Variants in PHF24 observed in about 807,000 individuals in gnomAD.
The protein encoded by PHF24 is PHD finger protein 24, also known as Galpha inhibitory interacting protein.
A neutral mutation model predicts 42.6 loss-of-function variants in PHF24; 25 were observed. That is an observed-to-expected ratio of 0.59 (90% CI 0.43 to 0.82). PHF24 has a LOEUF of 0.82. Ranked by LOEUF, PHF24 falls within the 40% of genes least tolerant of loss-of-function variation. The pLI, the probability that PHF24 is intolerant of heterozygous loss-of-function variation, is 0.00. For missense variants in PHF24, 470 were observed against 538.1 expected, an observed-to-expected ratio of 0.87 and a Z score of 1.25; for synonymous variants, 185 against 204.8, an observed-to-expected ratio of 0.90 and a Z score of 0.83.
the PHF24 span, among the ~76,000 whole-genome samples, chr9:34,693,125 G>A: frequency 1.3e-5 from 2 of 152,124 alleles, no homozygotes; most frequent in African/African-American, 2.4e-5. Context: ...TCAGGTATCT[G>A]TTCATTAATT....
chr9:34,941,150 C>T, the PHF24 span, among the ~76,000 whole-genome samples: 1 of 152,138 alleles, frequency 6.6e-6, no homozygotes, highest in Non-Finnish European at 1.5e-5. Context: ...TGTATTCTTC[C>T]TCCTGGGGAC....
chr9:34,778,371 C>T, the PHF24 span, among the ~76,000 whole-genome samples: 1 of 152,020 alleles, frequency 6.6e-6, no homozygotes, highest in South Asian at 2.1e-4. Flanking sequence ...CTCATGATGT[C>T]TAAGGGAGAT....
At chr9:34,832,433 A>G in the PHF24 span, 4 of 1,404,020 alleles carry the variant, frequency 2.8e-6, no homozygotes, top group Non-Finnish European at 3.9e-6. Flanking sequence ...ACTGGGGACC[A>G]TCCAAGAAAG....
the PHF24 span, among the ~76,000 whole-genome samples, chr9:34,806,366 A>ACTTAGCTTTTCTTTAATTT: frequency 6.6e-5 from 10 of 152,102 alleles, no homozygotes; most frequent in Non-Finnish European, 1.3e-4. Context: ...AAAAATCTTT[A>ACTTAGCTTTTCTTTAATTT]CTTAGCTTTT....
chr9:34,847,951 C>T, the PHF24 span, among the ~76,000 whole-genome samples: 1 of 152,120 alleles, frequency 6.6e-6, no homozygotes, highest in Non-Finnish European at 1.5e-5. Flanking sequence ...TGATGAAGCC[C>T]ACTTGATCAT....
At chr9:34,777,142 G>A in the PHF24 span, among the ~76,000 whole-genome samples, 1 of 152,160 alleles carries the variant, frequency 6.6e-6, no homozygotes, top group Non-Finnish European at 1.5e-5. Flanking sequence ...GCCCCAGGGT[G>A]GTATATGCTT....
the PHF24 span, among the ~76,000 whole-genome samples, chr9:34,865,839 A>T: frequency 6.6e-6 from 1 of 152,232 alleles, no homozygotes; most frequent in African/African-American, 2.4e-5. Context: ...TGAGAACTTC[A>T]GTTCCTCACT....
At chr9:34,806,751 GC>G in the PHF24 span, among the ~76,000 whole-genome samples, 1 of 152,148 alleles carries the variant, frequency 6.6e-6, no homozygotes, top group Non-Finnish European at 1.5e-5. Context: ...GAGCCTCTGT[GC>G]CTGGCCCAGA....
the PHF24 span, among the ~76,000 whole-genome samples, chr9:34,782,902 A>G: frequency 6.6e-6 from 1 of 152,200 alleles, no homozygotes; most frequent in African/African-American, 2.4e-5. Flanking sequence ...GCATCAGAAA[A>G]GCCTCAAATA....
upstream of PHF24, among the ~76,000 whole-genome samples, chr9:34,955,821 TTC>T (rs1826359244): frequency 6.6e-6 from 1 of 152,216 alleles, no homozygotes; most frequent in Non-Finnish European, 1.5e-5. Flanking sequence ...TTGTGCATAA[TTC>T]TGTGTCCTCC....
chr9:34,674,053 G>T, the PHF24 span, among the ~76,000 whole-genome samples: 1 of 152,210 alleles, frequency 6.6e-6, no homozygotes, highest in Non-Finnish European at 1.5e-5. Context: ...ACTGCATCTG[G>T]CCTCATACCT....
At chr9:34,791,793 A>C in the PHF24 span, among the ~76,000 whole-genome samples, 1 of 152,348 alleles carries the variant, frequency 6.6e-6, no homozygotes, top group African/African-American at 2.4e-5. Flanking sequence ...GACTGAATTG[A>C]ATGTTGCATC....
the PHF24 span, among the ~76,000 whole-genome samples, chr9:34,931,356 A>G: frequency 7.0e-5 from 10 of 141,930 alleles, no homozygotes; most frequent in South Asian, 4.6e-4. Flanking sequence ...AGCCTGGGCA[A>G]CAGAGCAAGA....
chr9:34,743,554 G>T, the PHF24 span, among the ~76,000 whole-genome samples: 1 of 152,098 alleles, frequency 6.6e-6, no homozygotes. Flanking sequence ...TTTTAACTAC[G>T]TGGGATTTTG....
the PHF24 span, among the ~76,000 whole-genome samples, chr9:34,851,791 T>TA: frequency 6.6e-6 from 1 of 152,208 alleles, no homozygotes; most frequent in Middle Eastern, 3.4e-3. Flanking sequence ...TTTGACTGTG[T>TA]AAAAAAAACT....
chr9:34,806,340 T>C, the PHF24 span, among the ~76,000 whole-genome samples: 3 of 152,224 alleles, frequency 2.0e-5, no homozygotes, highest in Non-Finnish European at 4.4e-5. Context: ...TTCCAACCCA[T>C]GAAAATGGGG....
At chr9:34,890,872 G>T in the PHF24 span, among the ~76,000 whole-genome samples, 149 of 152,312 alleles carry the variant, frequency 9.8e-4, no homozygotes, top group Non-Finnish European at 1.6e-3. Context: ...CCATCAGCTT[G>T]TGTTTTAGTG....
chr9:34,693,006 C>T, the PHF24 span, among the ~76,000 whole-genome samples: 5 of 152,036 alleles, frequency 3.3e-5, no homozygotes, highest in Non-Finnish European at 5.9e-5. Flanking sequence ...AGGCTGGTTT[C>T]GAACTCCTGG....
At chr9:34,734,971 A>T in the PHF24 span, among the ~76,000 whole-genome samples, 1 of 152,192 alleles carries the variant, frequency 6.6e-6, no homozygotes, top group Non-Finnish European at 1.5e-5. Flanking sequence ...CACTGACAGT[A>T]ACATAGCAAG....
Sources: allele counts gnomAD v4.1 joint callset (sites outside exome capture counted in the v4.1 genomes callset), GRCh38; gene constraint gnomAD v4.1.1; transcripts MANE v1.5; gene names NCBI Gene and HGNC (gene_info 2026-07-23, HGNC 2026-07-21).